The following CMC1 variants were observed in gnomAD, a reference collection of about 807,000 sequenced individuals.
CMC1 encodes C-X9-C motif containing 1.
A neutral mutation model predicts 14.1 loss-of-function variants in CMC1; 14 were observed. That is an observed-to-expected ratio of 0.99 (90% confidence interval 0.66 to 1.55). The LOEUF (loss-of-function observed/expected upper bound fraction) is 1.55. CMC1 is among the 40% of genes most tolerant of loss of function. CMC1 has a pLI of 0.00. For synonymous variants in CMC1, 50 were observed against 38.4 expected (o/e 1.30, Z -1.12); for missense variants, 127 against 123.8 (o/e 1.03, Z -0.12).
chr3:28,301,689 A>C (rs2125577690), intron 2 of CMC1, among the ~76,000 whole-genome samples: 1 of 152,272 alleles, frequency 6.6e-6, no homozygotes, highest in South Asian at 2.1e-4. Context: ...TTAAATAAAT[A>C]AATTTGACAA....
At chr3:28,277,727 A>C (rs1300304437) in intron 2 of CMC1, among the ~76,000 whole-genome samples, 1 of 152,192 alleles carries the variant, frequency 6.6e-6, no homozygotes, top group Non-Finnish European at 1.5e-5. Flanking sequence ...TCTTGGCAGA[A>C]GGAATATCAT....
chr3:28,244,725 C>CA (rs558381085), intron 1 of CMC1, among the ~76,000 whole-genome samples: 2,642 of 115,698 alleles, frequency 0.023, 75 homozygotes, highest in African/African-American at 0.067. Flanking sequence ...GACTTCGTCT[C>CA]AAAAAAAAAA....
Position 28,287,093 on chromosome 3 carries a change from C to G in CMC1, c.109+23713C>G, listed in dbSNP as rs1701226388. 2.0e-5 allele frequency among the ~76,000 whole-genome samples: 3 copies of G among 152,092 alleles called. No individual in the cohort carries two copies. The South Asian group carries it at 6.2e-4, about 32-fold the overall frequency. On this transcript the variant is annotated intron_variant, in intron 2 of 3. Coordinates refer to ENST00000466830, the MANE Select transcript of CMC1 (RefSeq NM_182523.2). ...TTGGTGACCAATTCTCGGATTCTTC[C>G]TAACACTCTTTTGTCTTCTCAGTGT...
At chr3:28,275,298 T>G (rs954266145) in intron 2 of CMC1, among the ~76,000 whole-genome samples, 1 of 151,916 alleles carries the variant, frequency 6.6e-6, no homozygotes, top group Non-Finnish European at 1.5e-5. Flanking sequence ...GATGCTGTTA[T>G]GCTGTTGTCA....
intron 2 of CMC1, among the ~76,000 whole-genome samples, chr3:28,300,754 C>CT (rs1191120665): frequency 3.7e-4 from 53 of 144,146 alleles, no homozygotes; most frequent in Admixed American, 3.7e-3. Context: ...TCCTTCCTTC[C>CT]TTTTTTTTTC....
chr3:28,273,999 G>A (rs1366511609), intron 2 of CMC1, among the ~76,000 whole-genome samples: 1 of 152,076 alleles, frequency 6.6e-6, no homozygotes, highest in East Asian at 1.9e-4. Flanking sequence ...TGTAAAGTGG[G>A]TCTCTTGAAT....
At chr3:28,287,577 A>G (rs1404524602) in intron 2 of CMC1, among the ~76,000 whole-genome samples, 1 of 152,140 alleles carries the variant, frequency 6.6e-6, no homozygotes, top group Non-Finnish European at 1.5e-5. Flanking sequence ...TTTCTATACT[A>G]AATTTGAAAA....
At chr3:28,254,740 G>A (rs1351786892) in intron 1 of CMC1, among the ~76,000 whole-genome samples, 1 of 152,114 alleles carries the variant, frequency 6.6e-6, no homozygotes, top group Admixed American at 6.5e-5. Flanking sequence ...TTATGAATAA[G>A]TTGTATAGAT....
At chr3:28,281,198 T>C (rs779481315) in intron 2 of CMC1, among the ~76,000 whole-genome samples, 2 of 152,244 alleles carry the variant, frequency 1.3e-5, no homozygotes, top group Non-Finnish European at 2.9e-5. Context: ...TAAATGTGAC[T>C]GAAACAGATT....
chr3:28,306,586 AGC>A, intron 2 of CMC1, among the ~76,000 whole-genome samples: 1 of 152,076 alleles, frequency 6.6e-6, no homozygotes, highest in Non-Finnish European at 1.5e-5. Flanking sequence ...AGGAATCTTT[AGC>A]ATTTTCTAAA....
At chr3:28,290,629 A>G (rs1022698352) in intron 2 of CMC1, among the ~76,000 whole-genome samples, 24 of 152,048 alleles carry the variant, frequency 1.6e-4, no homozygotes, top group Admixed American at 1.6e-3. Context: ...TCTGGAACAT[A>G]CTGTGCCCTT....
chr3:28,287,654 C>T (rs1274691194), intron 2 of CMC1, among the ~76,000 whole-genome samples: 4 of 151,846 alleles, frequency 2.6e-5, no homozygotes, highest in East Asian at 3.8e-4. Flanking sequence ...TTATTCCCTT[C>T]GAAAGATGCT....
intron 2 of CMC1, among the ~76,000 whole-genome samples, chr3:28,300,721 C>T (rs562447462): frequency 4.9e-5 from 7 of 143,680 alleles, no homozygotes; most frequent in Admixed American, 1.4e-4. Flanking sequence ...CTCCCTCCTT[C>T]CTCCCTCTCT....
intron 2 of CMC1, among the ~76,000 whole-genome samples, chr3:28,302,307 C>T (rs1416311380): frequency 1.3e-5 from 2 of 152,152 alleles, no homozygotes; most frequent in African/African-American, 2.4e-5. Context: ...TAGAAGGCTC[C>T]ATGTTCAAAA....
intron 2 of CMC1, among the ~76,000 whole-genome samples, chr3:28,295,230 T>A (rs1050805519): frequency 2.0e-5 from 3 of 152,296 alleles, no homozygotes; most frequent in Non-Finnish European, 2.9e-5. Context: ...CAAGAGTAAC[T>A]TAGGTACTTT....
At chr3:28,290,638 T>C (rs1348835755) in intron 2 of CMC1, among the ~76,000 whole-genome samples, 1 of 152,114 alleles carries the variant, frequency 6.6e-6, no homozygotes, top group Non-Finnish European at 1.5e-5. Flanking sequence ...TACTGTGCCC[T>C]TTTGGTTTGT....
At chr3:28,318,311 A>G (rs909687431) in intron 3 of CMC1, 1 of 151,852 alleles carries the variant, frequency 6.6e-6, no homozygotes, top group African/African-American at 2.4e-5. Flanking sequence ...GGCTGATGGT[A>G]GACAAATCCA....
intron 2 of CMC1, among the ~76,000 whole-genome samples, chr3:28,277,193 T>C (rs1397319090): frequency 6.6e-6 from 1 of 152,208 alleles, no homozygotes; most frequent in Non-Finnish European, 1.5e-5. Context: ...ATAAAGGTGA[T>C]AGAGATTTTA....
Position 28,300,705 on chromosome 3 carries a change from C to T in CMC1, c.110-15628C>T, listed in dbSNP as rs112238462. Among the ~76,000 whole-genome samples, 275 of 29,608 alleles carry T rather than the reference C, an allele frequency of 9.3e-3. 5 individuals are homozygous for T. The highest frequency in any genetic ancestry group is 0.024 in the African/African-American group (208 of 8,640). 19.4% of individuals were successfully genotyped at this position (29,608 alleles called of 152,430 possible). On this transcript the variant is annotated intron_variant, in intron 2 of 3. Transcript: ENST00000466830. ...TCCCTTTCCCTCCCTTTCCCTCCCT[C>T]TCACCCTCCCTCCTTCCTCCCTCTC...
Sources: allele counts gnomAD v4.1 joint callset (sites outside exome capture counted in the v4.1 genomes callset), GRCh38; gene constraint gnomAD v4.1.1; transcripts MANE v1.5; gene names NCBI Gene and HGNC (gene_info 2026-07-23, HGNC 2026-07-21).